The following MGST2 variants were observed in gnomAD, a reference collection of about 807,000 sequenced individuals.
MGST2 encodes the protein microsomal glutathione S-transferase 2, also known as glutathione peroxidase MGST2.
Under a neutral mutation model 16.6 loss-of-function variants are expected in MGST2, and 9 were observed. The observed-to-expected ratio is 0.54, with a 90% CI of 0.33 to 0.95. The LOEUF is 0.95. Among genes scored for constraint, MGST2 ranks in the 40% least tolerant of loss-of-function variants. The probability of loss-of-function intolerance (pLI) is 0.03; values close to 1 mark genes in which losing one functional copy is unlikely to be tolerated. For synonymous variants in MGST2, 79 were observed against 68.0 expected (o/e 1.16, Z -0.79); for missense variants, 159 against 175.1 (o/e 0.91, Z 0.52).
chr4:139,745,366 T>C (rs1579385494), downstream of MGST2, among the ~76,000 whole-genome samples: 3 of 152,106 alleles, frequency 2.0e-5, no homozygotes, highest in Admixed American at 2.0e-4. Context: ...TAGTGTCAGG[T>C]AAGCTAGTGT....
At position 139,720,058 on chromosome 4, in the gene MGST2, A is replaced by T. The variant is rs1728168188; in HGVS notation, c.*48+15862A>T. 1.9e-6 allele frequency: 3 copies of T among 1,614,032 alleles called. No individual in the cohort carries two copies. The East Asian group carries it at 6.7e-5, about 36-fold the overall frequency. ...GTTGCCTCGGTCCCTGGGCTTGGTT[A>T]TGTGTGATGCTCATGCCACTTTGGT... On this transcript the variant is annotated intron_variant, in intron 5 of 5. Transcript: ENST00000616265.
intron 5 of MGST2, among the ~76,000 whole-genome samples, chr4:139,728,457 CTT>C (rs1728566827): frequency 6.6e-6 from 1 of 152,340 alleles, no homozygotes; most frequent in African/African-American, 2.4e-5. Context: ...TTATGTGATC[CTT>C]AAAGCAGCTA....
At chr4:139,729,355 C>T (rs1191714739) in intron 5 of MGST2, among the ~76,000 whole-genome samples, 1 of 152,052 alleles carries the variant, frequency 6.6e-6, no homozygotes, top group Non-Finnish European at 1.5e-5. Context: ...CGTGGTGGCT[C>T]ACATCTGTAA....
At position 139,735,558 on chromosome 4, in the gene MGST2, G is replaced by A. The variant is rs1728904057; in HGVS notation, c.*49-4654G>A. 6.6e-6 allele frequency among the ~76,000 whole-genome samples: 1 copy of A among 152,312 alleles called. No individual in the cohort carries two copies. Among genetic ancestry groups the A allele is most frequent in the South Asian group, 2.1e-4 (1 of 4,830 alleles). On this transcript the variant is annotated intron_variant, in intron 5 of 5. Coordinates refer to the MGST2 transcript ENST00000616265. This position sits in a 1 kb window ranked among gnomAD's most constrained non-coding sequence, Gnocchi z 5.8. ...GACCCCAGCTGCACAAAGCCGGCCC[G>A]GGGAGGGGGCGATAAGGAGCGAGCC...
intron 1 of MGST2, among the ~76,000 whole-genome samples, chr4:139,675,922 A>C (rs1423429907): frequency 6.6e-6 from 1 of 152,186 alleles, no homozygotes; most frequent in East Asian, 1.9e-4. Context: ...GTCTAGTTAC[A>C]TATAAATTTT....
At chr4:139,686,499 C>G (rs573465634) in intron 2 of MGST2, among the ~76,000 whole-genome samples, 2 of 152,250 alleles carry the variant, frequency 1.3e-5, no homozygotes, top group African/African-American at 4.8e-5. Context: ...AGGAGGAAGT[C>G]CATTCAGATG....
chr4:139,738,506 G>A (rs567556631), intron 5 of MGST2, among the ~76,000 whole-genome samples: 1 of 152,194 alleles, frequency 6.6e-6, no homozygotes, highest in Non-Finnish European at 1.5e-5. Context: ...TTGCACCACT[G>A]CACTCCAGCC....
chr4:139,703,396 T>C (rs1439234868), intron 3 of MGST2, 59 bp from the exon 4 acceptor site: 8 of 1,363,574 alleles, frequency 5.9e-6, no homozygotes, highest in Admixed American at 3.4e-5. Flanking sequence ...TCGTACAACA[T>C]CTTAAGAGAC....
chr4:139,715,485 C>T lies in MGST2; in HGVS notation c.*48+11289C>T, dbSNP rs192249880. ...CCCAAGAGAGGGTTCTTGGCTCTTGCGCAAGAAAGAATTCAGGGTGAGTCT... is the reference window on the plus strand; with the variant it reads ...CCCAAGAGAGGGTTCTTGGCTCTTGTGCAAGAAAGAATTCAGGGTGAGTCT... On this transcript the variant is annotated intron_variant, in intron 5 of 5. Transcript: ENST00000616265. The surrounding 1 kb of genome is among the most constrained non-coding windows in gnomAD (Gnocchi z 4.4). Among the ~76,000 whole-genome samples, 47 of 152,142 alleles carry T rather than the reference C, an allele frequency of 3.1e-4. No homozygotes were observed. Among genetic ancestry groups the T allele is most frequent in the Non-Finnish European group, 5.4e-4 (37 of 68,000 alleles).
chr4:139,742,523 C>T (rs71606855), downstream of MGST2, among the ~76,000 whole-genome samples: 246 of 152,264 alleles, frequency 1.6e-3, 1 homozygote, highest in Non-Finnish European at 2.8e-3. Flanking sequence ...TTATAGTAGG[C>T]GCTCATAAAG....
intron 1 of MGST2, among the ~76,000 whole-genome samples, chr4:139,677,293 C>G (rs956565843): frequency 7.9e-5 from 12 of 152,186 alleles, no homozygotes; most frequent in African/African-American, 2.2e-4. Flanking sequence ...CCAAGATGGT[C>G]AGGGTACAAC....
At chr4:139,695,078 C>G (rs1579319864) in intron 2 of MGST2, 119 bp from the exon 3 acceptor site, 1 of 725,882 alleles carries the variant, frequency 1.4e-6, no homozygotes, top group Middle Eastern at 3.8e-4. Context: ...CATTTAAACT[C>G]TTTTGTAAGT....
chr4:139,667,844 G>A (rs1011054380), intron 1 of MGST2, among the ~76,000 whole-genome samples: 2 of 152,024 alleles, frequency 1.3e-5, no homozygotes, highest in African/African-American at 2.4e-5. Context: ...GCAACAGAGC[G>A]AGACTCCATC....
At chr4:139,685,474 C>T (rs960973503) in intron 2 of MGST2, 2 of 152,356 alleles carry the variant, frequency 1.3e-5, no homozygotes, top group East Asian at 1.9e-4. Flanking sequence ...TTCTTGATTA[C>T]TCATATCTAT....
chr4:139,723,969 G>A (rs1225661526), intron 5 of MGST2, among the ~76,000 whole-genome samples: 3 of 152,276 alleles, frequency 2.0e-5, no homozygotes, highest in East Asian at 3.9e-4. Flanking sequence ...TAAAGTTTGA[G>A]AACTACAGAT....
chr4:139,750,819 C>T, the MGST2 span, among the ~76,000 whole-genome samples: 1 of 152,184 alleles, frequency 6.6e-6, no homozygotes, highest in South Asian at 2.1e-4. Flanking sequence ...TCATCACTAC[C>T]TCCCACTCCC....
rs140360426 is a variant in MGST2 at position 139,725,688 on chromosome 4, T to C, written c.*49-14524T>C. On this transcript the variant is annotated intron_variant, in intron 5 of 5. Coordinates refer to the MGST2 transcript ENST00000616265. ...CAGCCAGTAAGGCAATGCCTCTGGC[T>C]ACACATTCACTTACGCTTCACCACT... 5.3e-6 allele frequency: 8 copies of C among 1,497,382 alleles called. No homozygotes were observed. In the African/African-American group the frequency reaches 8.3e-5, roughly 15 times the overall value. The allele number at this position is 1,497,382 out of a possible 1,614,324, so 92.8% of individuals were successfully genotyped here. A position where few individuals can be genotyped will look rare whatever the true frequency, so the allele number is the denominator to read the frequency against.
chr4:139,715,051 C>G lies in MGST2; in HGVS notation c.*48+10855C>G, dbSNP rs1727892093. Among the ~76,000 whole-genome samples, 1 of 152,228 alleles carries G rather than the reference C, an allele frequency of 6.6e-6. No homozygotes were observed. Among genetic ancestry groups the G allele is most frequent in the African/African-American group, 2.4e-5 (1 of 41,458 alleles). ...GAGGGACTTTACCGAAGAGGGGCCT[C>G]TAACCCGCTAAATCTTAGAAGGGAC... On this transcript the variant is annotated intron_variant, in intron 5 of 5. Transcript: ENST00000616265. The surrounding 1 kb of genome is among the most constrained non-coding windows in gnomAD (Gnocchi z 4.4).
chr4:139,705,915 G>A (rs1257333608), downstream of MGST2, among the ~76,000 whole-genome samples: 3 of 152,238 alleles, frequency 2.0e-5, no homozygotes, highest in South Asian at 2.1e-4. Flanking sequence ...AAATGAGAAC[G>A]ATTCTACCTC....
Sources: allele counts gnomAD v4.1 joint callset (sites outside exome capture counted in the v4.1 genomes callset), GRCh38; gene constraint gnomAD v4.1.1; non-coding constraint Gnocchi (gnomAD v3.1); transcripts MANE v1.5; gene names NCBI Gene and HGNC (gene_info 2026-07-23, HGNC 2026-07-21).